PIK3AP1: variants seen among roughly 807,000 people sequenced by gnomAD.
PIK3AP1 encodes phosphoinositide-3-kinase adaptor protein 1.
A neutral mutation model predicts 88.1 loss-of-function variants in PIK3AP1; 21 were observed. The ratio of observed to expected loss-of-function variants is 0.24; its 90% CI spans 0.17 to 0.34. The LOEUF is 0.34. PIK3AP1 is among the 10% of genes least tolerant of loss of function. The pLI is 1.00. For synonymous variants in PIK3AP1, 398 were observed against 400.0 expected (o/e 1.00, Z 0.06); for missense variants, 828 against 1,035.7 (o/e 0.80, Z 2.75).
At position 96,641,146 on chromosome 10, in the gene PIK3AP1, C is replaced by T. The variant is rs529668531; in HGVS notation, c.1375+4327G>A. Among the ~76,000 whole-genome samples, 8 of 150,956 alleles carry T rather than the reference C, an allele frequency of 5.3e-5. No individual in the cohort carries two copies. In the South Asian group the frequency reaches 6.3e-4, roughly 12 times the overall value. On this transcript the variant is annotated intron_variant, in intron 8 of 16. Coordinates refer to ENST00000339364, the MANE Select transcript of PIK3AP1 (RefSeq NM_152309.3). ...GTGTGCGTGTGCATGTATACACCCA[C>T]GCAAGCAAGTTCAGGGGAAGAAGAG...
At chr10:96,666,341 C>T (rs569769696) in intron 2 of PIK3AP1, among the ~76,000 whole-genome samples, 306 of 152,178 alleles carry the variant, frequency 2.0e-3, no homozygotes, top group African/African-American at 7.2e-3. Context: ...ATGGCGTGAA[C>T]CTGGGAGGCG....
chr10:96,629,292 C>T (rs7895501), intron 8 of PIK3AP1, among the ~76,000 whole-genome samples: 149,792 of 152,200 alleles, frequency 0.98, 73,758 homozygotes, highest in Middle Eastern at 1. Context: ...AGTAAACACA[C>T]AAATATGCTG....
At chr10:96,682,572 C>G (rs479965) in intron 2 of PIK3AP1, among the ~76,000 whole-genome samples, 13,048 of 152,182 alleles carry the variant, frequency 0.086, 1,865 homozygotes, top group African/African-American at 0.3. Context: ...TACCGTCTCC[C>G]CATGATGAGA....
chr10:96,715,610 G>C (rs1465595560), intron 1 of PIK3AP1, among the ~76,000 whole-genome samples: 1 of 152,140 alleles, frequency 6.6e-6, no homozygotes, highest in Non-Finnish European at 1.5e-5. Flanking sequence ...TATCATTGAG[G>C]CTGGGCGCGG....
intron 10 of PIK3AP1, 93 bp from the exon 11 acceptor site, chr10:96,623,630 T>C: frequency 1.8e-6 from 2 of 1,098,846 alleles, no homozygotes; most frequent in Admixed American, 2.0e-5. Context: ...GACCACCGTA[T>C]GTGGTTCTGT....
At chr10:96,697,585 C>T (rs956136129) in intron 2 of PIK3AP1, among the ~76,000 whole-genome samples, 14 of 151,850 alleles carry the variant, frequency 9.2e-5, no homozygotes, top group African/African-American at 3.1e-4. Flanking sequence ...TTTAATTAGC[C>T]GGGCATGATG....
chr10:96,662,965 AAATG>A (rs1843713401), intron 2 of PIK3AP1, among the ~76,000 whole-genome samples: 1 of 151,680 alleles, frequency 6.6e-6, no homozygotes, highest in African/African-American at 2.4e-5. Context: ...AGATAAATAA[AAATG>A]AATGATGTAC....
intron 13 of PIK3AP1, among the ~76,000 whole-genome samples, chr10:96,612,946 GTGTGTATATATATA>G (rs869117818): frequency 1.9e-4 from 8 of 42,206 alleles, no homozygotes; most frequent in East Asian, 6.7e-4. Flanking sequence ...AATTGTGTGT[GTGTGTATATATATA>G]TATATATATA....
intron 3 of PIK3AP1, among the ~76,000 whole-genome samples, chr10:96,653,999 G>A (rs2134236918): frequency 6.6e-6 from 1 of 152,312 alleles, no homozygotes; most frequent in African/African-American, 2.4e-5. Context: ...GAAATGCAGA[G>A]TCTCAGGCCC....
At chr10:96,614,618 G>C (rs1180410554) in intron 13 of PIK3AP1, among the ~76,000 whole-genome samples, 1 of 152,124 alleles carries the variant, frequency 6.6e-6, no homozygotes, top group African/African-American at 2.4e-5. Context: ...GTTAGGCATG[G>C]TGGAACAGAC....
chr10:96,595,559 A>G lies in PIK3AP1; in HGVS notation c.*18T>C, dbSNP rs778215131. 11 of 1,611,316 alleles carry G rather than the reference A, an allele frequency of 6.8e-6. No homozygotes were observed. Among genetic ancestry groups the G allele is most frequent in the Non-Finnish European group, 9.3e-6 (11 of 1,177,898 alleles). On this transcript the variant is annotated 3_prime_UTR_variant, in exon 17 of 17. Coordinates refer to ENST00000339364, the MANE Select transcript of PIK3AP1 (RefSeq NM_152309.3). ...TGAGTCTTAAAGTCCTGAAGTAGGC[A>G]GGTTTTAGGAGGTGGAATCAGCGTC...
intron 8 of PIK3AP1, among the ~76,000 whole-genome samples, chr10:96,639,371 T>C (rs1259369693): frequency 6.6e-6 from 1 of 152,192 alleles, no homozygotes; most frequent in Admixed American, 6.5e-5. Context: ...ACATGCTTCC[T>C]ATCGAGGCCA....
rs986285113 is a variant in PIK3AP1, at chr10:96,635,149, C to A, written c.1376-6656G>T. On this transcript the variant is annotated intron_variant, in intron 8 of 16. Transcript: ENST00000339364. ...CTTGATTCCATCTGTAATCTTAATTCTCCTTTGCCATGTAACCTAGCATAC... is the reference window on the plus strand; with the variant it reads ...CTTGATTCCATCTGTAATCTTAATTATCCTTTGCCATGTAACCTAGCATAC... Among the ~76,000 whole-genome samples, 4 of 152,264 alleles carry A rather than the reference C, an allele frequency of 2.6e-5. No individual in the cohort carries two copies. The East Asian group carries it at 7.7e-4, about 29-fold the overall frequency.
chr10:96,687,712 CCT>C (rs1257066382), intron 2 of PIK3AP1, among the ~76,000 whole-genome samples: 3 of 152,182 alleles, frequency 2.0e-5, no homozygotes, highest in African/African-American at 7.2e-5. Context: ...CCCTAACCAC[CCT>C]CATGCCTGCA....
intron 7 of PIK3AP1, 88 bp downstream of exon 7, chr10:96,648,571 T>A: frequency 7.3e-7 from 1 of 1,367,740 alleles, no homozygotes; most frequent in Non-Finnish European, 9.9e-7. Flanking sequence ...ATGCTAGAGA[T>A]AAAATCTGTT....
chr10:96,678,151 A>C (rs1843950679), intron 2 of PIK3AP1, among the ~76,000 whole-genome samples: 2 of 152,236 alleles, frequency 1.3e-5, no homozygotes, highest in East Asian at 1.9e-4. Flanking sequence ...AAAAAATTGT[A>C]GGCTGGGCAC....
At chr10:96,703,551 C>T (rs898344568) in intron 2 of PIK3AP1, among the ~76,000 whole-genome samples, 2 of 152,172 alleles carry the variant, frequency 1.3e-5, no homozygotes, top group Non-Finnish European at 2.9e-5. Flanking sequence ...CTTTCCCACA[C>T]AGTCTAACAG....
chr10:96,653,327 C>A (rs1280828357), intron 3 of PIK3AP1, among the ~76,000 whole-genome samples: 2 of 149,768 alleles, frequency 1.3e-5, no homozygotes, highest in African/African-American at 4.9e-5. Context: ...ATCACTTGAA[C>A]CCAGGAGGCA....
At chr10:96,676,458 A>G (rs763614124) in intron 2 of PIK3AP1, among the ~76,000 whole-genome samples, 4 of 151,668 alleles carry the variant, frequency 2.6e-5, no homozygotes, top group Non-Finnish European at 5.9e-5. Context: ...CATGGCCCCA[A>G]CTGAGCCAGC....
Sources: allele counts gnomAD v4.1 joint callset (sites outside exome capture counted in the v4.1 genomes callset), GRCh38; gene constraint gnomAD v4.1.1; transcripts MANE v1.5; gene names NCBI Gene and HGNC (gene_info 2026-07-23, HGNC 2026-07-21).